The following PLEKHA1 variants were observed in gnomAD, a reference collection of about 807,000 sequenced individuals.
PLEKHA1 encodes pleckstrin homology domain containing A1.
PLEKHA1 carries 34 observed loss-of-function variants against 52.0 expected under a neutral mutation model. The ratio of observed to expected loss-of-function variants is 0.65; its 90% CI spans 0.50 to 0.87. The LOEUF is 0.87. PLEKHA1 is among the 40% of genes least tolerant of loss of function. The probability of loss-of-function intolerance (pLI) is 0.00; values close to 1 mark genes in which losing one functional copy is unlikely to be tolerated. For synonymous variants in PLEKHA1, 163 were observed against 170.7 expected (o/e 0.95, Z 0.35); for missense variants, 497 against 504.2 (o/e 0.99, Z 0.14).
chr10:122,427,048 C>G lies in PLEKHA1; in HGVS notation c.900+17C>G, dbSNP rs1197916167. On this transcript the variant is annotated intron_variant, in intron 11 of 11. Transcript: ENST00000368990. ...GCGTCTTCTGTAGGTTTCCTGCTCT[C>G]TGGGGTGATACTCCCTTGCGTCTCC... 1 of 1,601,128 alleles carries G rather than the reference C, an allele frequency of 6.2e-7. No individual in the cohort carries two copies.
Position 122,400,348 on chromosome 10 carries a change from C to CGAT in PLEKHA1, c.206_208dup (p.Asp69dup). On this transcript the variant is annotated inframe_insertion, in exon 4 of 12. Coordinates refer to ENST00000368990, the MANE Select transcript of PLEKHA1 (RefSeq NM_001001974.4). Reference sequence around the variant, plus strand: ...GTCTCTATTTTTCTTTTTAGGTTAGCGATGCTACTAAGCTAAGGCCAAAGG... The same window carrying CGAT: ...GTCTCTATTTTTCTTTTTAGGTTAGCGATGATGCTACTAAGCTAAGGCCAAAGG... 6.2e-7 allele frequency: 1 copy of CGAT among 1,602,998 alleles called. No homozygotes were observed. The highest frequency in any genetic ancestry group is 8.5e-7 in the Non-Finnish European group (1 of 1,176,066).
At chr10:122,426,185 G>A (rs980305078) in intron 10 of PLEKHA1, among the ~76,000 whole-genome samples, 1 of 151,942 alleles carries the variant, frequency 6.6e-6, no homozygotes, top group Admixed American at 6.6e-5. Context: ...TTTCTAGATC[G>A]AGATTAACTA....
At chr10:122,439,320 C>T in the PLEKHA1 span, 1 of 148,842 alleles carries the variant, frequency 6.7e-6, no homozygotes, top group African/African-American at 2.5e-5. Context: ...CTGCATTTTT[C>T]TTTTGTGTAG....
At position 122,430,040 on chromosome 10, in the gene PLEKHA1, T is replaced by C; in HGVS notation, c.*102T>C. 7.9e-7 allele frequency: 1 copy of C among 1,260,530 alleles called. No homozygotes were observed. Among genetic ancestry groups the C allele is most frequent in the South Asian group, 1.5e-5 (1 of 65,472 alleles). The allele number at this position is 1,260,530 out of a possible 1,614,324, so 78.1% of individuals were successfully genotyped here. A position where few individuals can be genotyped will look rare whatever the true frequency, so the allele number is the denominator to read the frequency against. ...AGGGGGAAATGGTTTTTAGTGCGTATATTATACTGCCTCTTAGGTGTACTC... is the reference window on the plus strand; with the variant it reads ...AGGGGGAAATGGTTTTTAGTGCGTACATTATACTGCCTCTTAGGTGTACTC... On this transcript the variant is annotated 3_prime_UTR_variant, in exon 12 of 12. Coordinates refer to ENST00000368990, the MANE Select transcript of PLEKHA1 (RefSeq NM_001001974.4).
intron 11 of PLEKHA1, among the ~76,000 whole-genome samples, chr10:122,428,841 A>G (rs2097378744): frequency 6.6e-6 from 1 of 152,226 alleles, no homozygotes; most frequent in South Asian, 2.1e-4. Context: ...AAATGAATAT[A>G]ATATACTAGT....
At position 122,431,082 on chromosome 10, in the gene PLEKHA1, T is replaced by G. The variant is rs1409369434; in HGVS notation, c.*1144T>G. On this transcript the variant is annotated 3_prime_UTR_variant, in exon 12 of 12. Transcript: ENST00000368990. ...ATATAAGCACCTCTCTAAAGAATCT[T>G]TAGTTTCCGACGTTGAATTATAGAC... is the stretch of plus-strand genomic sequence containing the variant. 6.6e-6 allele frequency: 1 copy of G among 152,528 alleles called. No individual in the cohort carries two copies. The allele number at this position is 152,528 out of a possible 1,614,324, so 9.4% of individuals were successfully genotyped here.
intron 11 of PLEKHA1, 124 bp from the exon 12 acceptor site, chr10:122,429,499 TG>T: frequency 5.2e-6 from 1 of 191,066 alleles, no homozygotes; most frequent in Non-Finnish European, 7.2e-6. Flanking sequence ...TGCCTTTGTG[TG>T]TGTGTGTGTG....
chr10:122,418,247 T>C, intron 8 of PLEKHA1: 1 of 285,602 alleles, frequency 3.5e-6, no homozygotes, highest in Non-Finnish European at 6.6e-6. Context: ...GGGGCTGTCC[T>C]CTTGGGGGGT....
At chr10:122,388,343 C>G (rs534572127) in intron 1 of PLEKHA1, among the ~76,000 whole-genome samples, 2 of 152,116 alleles carry the variant, frequency 1.3e-5, no homozygotes, top group Non-Finnish European at 2.9e-5. Flanking sequence ...TACTTCATTC[C>G]TTTTTATGTC....
chr10:122,388,311 T>A (rs1461865316), intron 1 of PLEKHA1, among the ~76,000 whole-genome samples: 1 of 152,246 alleles, frequency 6.6e-6, no homozygotes, highest in African/African-American at 2.4e-5. Context: ...CTGAGGTTTA[T>A]CTAGGTAGTA....
At chr10:122,434,493 A>G (rs2097430933), downstream of PLEKHA1, 1 of 152,194 alleles carries the variant, frequency 6.6e-6, no homozygotes, top group Non-Finnish European at 1.5e-5. Context: ...TCTACATTAT[A>G]TAAAATGGAA....
At chr10:122,418,266 C>G (rs575522546) in intron 8 of PLEKHA1, 1 of 242,434 alleles carries the variant, frequency 4.1e-6, no homozygotes, top group Non-Finnish European at 8.0e-6. Context: ...GTTAGCCCCA[C>G]GTGGAGTAGG....
intron 1 of PLEKHA1, among the ~76,000 whole-genome samples, chr10:122,385,260 A>G (rs1240398453): frequency 6.6e-6 from 1 of 151,514 alleles, no homozygotes; most frequent in East Asian, 1.9e-4. Context: ...CCACTAGTTG[A>G]AATGTTAGGA....
chr10:122,406,619 T>C lies in PLEKHA1; in HGVS notation c.288T>C (p.Asp96=), dbSNP rs1339976821. Residue 96 remains aspartate (D), a synonymous_variant, in exon 5 of 12, where the codon GAT becomes GAC. Coordinates refer to ENST00000368990, the MANE Select transcript of PLEKHA1 (RefSeq NM_001001974.4). The part of the protein sequence containing the change: ...GMRKYFLQAN[D]QQDLVEWVNV... ...GGAAGTACTTCCTACAAGCCAATGA[T>C]CAGCAGGACCTAGTGGAATGGGTAA... The C allele has an allele frequency of 6.2e-7, 1 of 1,613,490 alleles. No individual in the cohort carries two copies. The highest frequency in any genetic ancestry group is 1.1e-5 in the South Asian group (1 of 91,060).
downstream of PLEKHA1, chr10:122,434,615 T>G (rs906658525): frequency 6.6e-6 from 1 of 151,942 alleles, no homozygotes; most frequent in Non-Finnish European, 1.5e-5. Flanking sequence ...ATGTGCACAA[T>G]GTGCAGGTTA....
intron 11 of PLEKHA1, chr10:122,428,213 T>C: frequency 7.2e-7 from 1 of 1,387,196 alleles, no homozygotes. Flanking sequence ...AGCACAACTT[T>C]CTCTTTTCCT....
At chr10:122,406,949 C>T (rs1212456127) in intron 5 of PLEKHA1, among the ~76,000 whole-genome samples, 3 of 152,244 alleles carry the variant, frequency 2.0e-5, no homozygotes, top group South Asian at 2.1e-4. Flanking sequence ...GGAGAAAATG[C>T]GCTTAGCACG....
intron 10 of PLEKHA1, 110 bp downstream of exon 10, chr10:122,425,069 C>A: frequency 1.1e-6 from 1 of 908,546 alleles, no homozygotes; most frequent in Non-Finnish European, 1.7e-6. Context: ...AAAAATATGA[C>A]AACTGTAATT....
intron 1 of PLEKHA1, among the ~76,000 whole-genome samples, chr10:122,384,844 T>C (rs1436770081): frequency 6.6e-6 from 1 of 151,958 alleles, no homozygotes. Flanking sequence ...TAATCTTAGC[T>C]ACTCAGGAGG....
Sources: gnomAD v4.1 joint callset for allele counts (sites outside exome capture counted in the v4.1 genomes callset) on GRCh38, gnomAD v4.1.1 for gene constraint, MANE v1.5 for transcripts, NCBI Gene and HGNC (gene_info 2026-07-23, HGNC 2026-07-21) for gene names.